MAP2: variants seen among roughly 807,000 people sequenced by gnomAD.
MAP2 encodes microtubule-associated protein 2.
A neutral mutation model predicts 137.6 loss-of-function variants in MAP2; 14 were observed. The observed-to-expected ratio is 0.10, with a 90% CI of 0.07 to 0.16. The LOEUF is 0.16. Among genes scored for constraint, MAP2 ranks in the 10% least tolerant of loss-of-function variants. The pLI is 1.00. For missense variants in MAP2, 2,088 were observed against 2,191.5 expected, an observed-to-expected ratio of 0.95 and a Z score of 0.94; for synonymous variants, 786 against 782.3, an observed-to-expected ratio of 1.00 and a Z score of -0.08.
At chr2:209,701,272 A>T (rs1182551217) in intron 11 of MAP2, among the ~76,000 whole-genome samples, 2 of 151,866 alleles carry the variant, frequency 1.3e-5, no homozygotes, top group Admixed American at 1.3e-4. Flanking sequence ...TAGAGATGGC[A>T]TATATTATTA....
intron 3 of MAP2, 60 bp from the exon 4 acceptor site, chr2:209,624,993 T>C (rs542067509): frequency 6.6e-6 from 1 of 152,278 alleles, no homozygotes; most frequent in Non-Finnish European, 1.5e-5. Context: ...TTGAGCTACT[T>C]GATGTGATTA....
chr2:209,551,740 GA>G (rs1450211360), intron 2 of MAP2, among the ~76,000 whole-genome samples: 40 of 152,252 alleles, frequency 2.6e-4, no homozygotes, highest in African/African-American at 9.6e-4. Context: ...CCTTTCTGGG[GA>G]AACCAGAGTA....
At chr2:209,560,912 T>G (rs188085256) in intron 2 of MAP2, among the ~76,000 whole-genome samples, 43 of 152,302 alleles carry the variant, frequency 2.8e-4, no homozygotes, top group African/African-American at 9.4e-4. Flanking sequence ...TGACCACAGA[T>G]TATGATAAAT....
At chr2:209,644,115 A>G (rs2094232062) in intron 4 of MAP2, among the ~76,000 whole-genome samples, 1 of 152,182 alleles carries the variant, frequency 6.6e-6, no homozygotes, top group Non-Finnish European at 1.5e-5. Context: ...AATTTGTTAA[A>G]CCTGTGTTGG....
At chr2:209,674,419 T>C (rs1472783266) in intron 5 of MAP2, among the ~76,000 whole-genome samples, 3 of 151,832 alleles carry the variant, frequency 2.0e-5, no homozygotes, top group Non-Finnish European at 2.9e-5. Flanking sequence ...CAACAACCTC[T>C]GAGACAGATA....
chr2:209,443,819 C>T (rs16842895), intron 1 of MAP2, among the ~76,000 whole-genome samples: 31,419 of 151,248 alleles, frequency 0.21, 8,858 homozygotes, highest in African/African-American at 0.64. Context: ...GTTTCAACAC[C>T]GTCATTAGGA....
At chr2:209,524,981 G>A (rs1026579170) in intron 2 of MAP2, among the ~76,000 whole-genome samples, 1 of 152,068 alleles carries the variant, frequency 6.6e-6, no homozygotes, top group East Asian at 1.9e-4. Flanking sequence ...CTAAGCAGCT[G>A]TGTTACCTTG....
chr2:209,476,412 T>C (rs1219800368), intron 1 of MAP2, among the ~76,000 whole-genome samples: 10 of 150,512 alleles, frequency 6.6e-5, no homozygotes, highest in African/African-American at 2.2e-4. Context: ...TTTTTTTTTT[T>C]CATCATTCTG....
At chr2:209,584,014 A>C (rs2077119211) in intron 3 of MAP2, among the ~76,000 whole-genome samples, 1 of 152,064 alleles carries the variant, frequency 6.6e-6, no homozygotes, top group Admixed American at 6.6e-5. Context: ...TATAAGTGAG[A>C]ATATGCGGTA....
intron 14 of MAP2, among the ~76,000 whole-genome samples, chr2:209,727,463 T>C (rs916805480): frequency 6.6e-6 from 1 of 152,244 alleles, no homozygotes; most frequent in Non-Finnish European, 1.5e-5. Flanking sequence ...GATAAGGAAC[T>C]ATTCTGTGTA....
chr2:209,580,931 T>G (rs2076271529), intron 3 of MAP2, among the ~76,000 whole-genome samples: 1 of 152,238 alleles, frequency 6.6e-6, no homozygotes, highest in Non-Finnish European at 1.5e-5. Flanking sequence ...AGACATTTTC[T>G]GCCCTGCTGA....
chr2:209,625,290 A>G (rs1414735159), intron 4 of MAP2, among the ~76,000 whole-genome samples, 161 bp downstream of exon 4: 1 of 152,204 alleles, frequency 6.6e-6, no homozygotes, highest in Non-Finnish European at 1.5e-5. Context: ...GTTATAGCTA[A>G]TAAATTCAGT....
intron 2 of MAP2, chr2:209,579,494 T>C (rs903406392): frequency 6.6e-6 from 1 of 152,200 alleles, no homozygotes; most frequent in African/African-American, 2.4e-5. Context: ...GAGTGGCTTG[T>C]CATCATTCTC....
intron 2 of MAP2, among the ~76,000 whole-genome samples, chr2:209,515,176 TGAGTA>T (rs1043263634): frequency 2.6e-5 from 4 of 152,166 alleles, no homozygotes; most frequent in African/African-American, 9.6e-5. Flanking sequence ...AGTGAAGAGT[TGAGTA>T]AAGAAAACAC....
intron 1 of MAP2, among the ~76,000 whole-genome samples, chr2:209,501,368 A>C (rs2060360364): frequency 6.6e-6 from 1 of 152,126 alleles, no homozygotes; most frequent in Non-Finnish European, 1.5e-5. Context: ...GGCCTATTTG[A>C]GTTTGACATA....
chr2:209,551,872 A>G (rs77185719), intron 2 of MAP2, among the ~76,000 whole-genome samples: 3,011 of 152,268 alleles, frequency 0.02, 95 homozygotes, highest in African/African-American at 0.068. Context: ...GGGACTTACT[A>G]AAGTCCAGGT....
chr2:209,495,446 C>T (rs1374613786), intron 1 of MAP2, among the ~76,000 whole-genome samples: 1 of 152,228 alleles, frequency 6.6e-6, no homozygotes, highest in East Asian at 1.9e-4. Flanking sequence ...CTCCGGCTGG[C>T]ATCTGGTGGG....
intron 1 of MAP2, among the ~76,000 whole-genome samples, chr2:209,485,969 G>A (rs2058330342): frequency 6.6e-6 from 1 of 152,138 alleles, no homozygotes; most frequent in Non-Finnish European, 1.5e-5. Flanking sequence ...ATTGGGGATG[G>A]AGAAAGCTCC....
intron 2 of MAP2, among the ~76,000 whole-genome samples, 155 bp downstream of exon 2, chr2:209,507,796 C>T (rs758574313): frequency 1.3e-5 from 2 of 152,034 alleles, no homozygotes; most frequent in African/African-American, 2.4e-5. Flanking sequence ...GGCCTACTAG[C>T]AAACATGGTT....
Sources: allele counts gnomAD v4.1 joint callset (sites outside exome capture counted in the v4.1 genomes callset), GRCh38; gene constraint gnomAD v4.1.1; transcripts MANE v1.5; gene names NCBI Gene and HGNC (gene_info 2026-07-23, HGNC 2026-07-21).